The following ORMDL3 variants were observed in gnomAD, a reference collection of about 807,000 sequenced individuals.
ORMDL3 encodes the protein ORM1-like protein 3.
ORMDL3 carries 6 observed loss-of-function variants against 12.6 expected under a neutral mutation model. The observed-to-expected ratio is 0.48, with a 90% CI of 0.26 to 0.94. The LOEUF is 0.94. Among genes scored for constraint, ORMDL3 ranks in the 40% least tolerant of loss-of-function variants. The pLI is 0.14. For synonymous variants in ORMDL3, 99 were observed against 87.2 expected (o/e 1.14, Z -0.75); for missense variants, 159 against 205.5 (o/e 0.77, Z 1.38).
intron 1 of ORMDL3, 128 bp downstream of exon 1, chr17:39,927,356 A>T: frequency 3.4e-6 from 2 of 591,370 alleles, no homozygotes; most frequent in Non-Finnish European, 4.2e-6. Context: ...CCCTCGGCTG[A>T]TGCACTCCCT....
At chr17:39,923,077 GC>G (rs1568111780) in intron 3 of ORMDL3, 34 bp downstream of exon 3, 2 of 1,613,046 alleles carry the variant, frequency 1.2e-6, no homozygotes, top group Non-Finnish European at 1.7e-6. Flanking sequence ...GCCTTGCCCT[GC>G]CTGCTGGTGT....
At chr17:39,923,782 A>C (rs1978317873) in intron 2 of ORMDL3, among the ~76,000 whole-genome samples, 1 of 151,980 alleles carries the variant, frequency 6.6e-6, no homozygotes. Flanking sequence ...GCCAACAGCC[A>C]CCCCACCCTA....
intron 3 of ORMDL3, 50 bp downstream of exon 3, chr17:39,923,062 T>C: frequency 1.2e-6 from 2 of 1,610,038 alleles, no homozygotes; most frequent in Non-Finnish European, 1.7e-6. Flanking sequence ...CCTGGGGTCC[T>C]CCAGGCCTTG....
chr17:39,922,813 G>GT (rs1182084464), intron 3 of ORMDL3, 128 bp from the exon 4 acceptor site: 2 of 1,258,716 alleles, frequency 1.6e-6, no homozygotes, highest in African/African-American at 3.0e-5. Context: ...CCAGACCAGC[G>GT]TAAGAAGCAA....
chr17:39,924,046 T>G lies in ORMDL3; in HGVS notation c.158A>C (p.Asn53Thr). ...GGCTCTCACCATGTTGTGAATGAGG[T>G]TGGTGAGGGTCCAGACGACAGGGAC... is the stretch of plus-strand genomic sequence containing the variant. ...VSVPVVWTLT[N>T]LIHNMGMYIF... The change falls in exon 2 of 4, where the codon AAC (asparagine) becomes ACC (threonine). Residue 53 changes from asparagine (N) to threonine (T), a missense_variant. By Grantham distance (65) the Asn-to-Thr change is moderately conservative. Transcript: ENST00000304046. 1 of 1,607,510 alleles carries G rather than the reference T, an allele frequency of 6.2e-7. No homozygotes were observed. The highest frequency in any genetic ancestry group is 8.5e-7 in the Non-Finnish European group (1 of 1,176,428).
At chr17:39,923,305 G>GC (rs750001368) in intron 2 of ORMDL3, 42 bp from the exon 3 acceptor site, 12 of 1,601,544 alleles carry the variant, frequency 7.5e-6, no homozygotes, top group South Asian at 3.3e-5. Context: ...AAAGGGAAAG[G>GC]CCCCCCTGCC....
At position 39,924,099 on chromosome 17, in the gene ORMDL3, G is replaced by T; in HGVS notation, c.105C>A (p.Ile35=). The change falls in exon 2 of 4, where the codon ATC becomes ATA. Residue 35 remains isoleucine (I), a synonymous_variant. Coordinates refer to ENST00000304046, the MANE Select transcript of ORMDL3 (RefSeq NM_139280.4). The stretch of plus-strand genomic sequence containing the variant: ...TCACAAACGGGATGCTCAGCAGCAC[G>T]ATGTGGAGGAGACCGATGGCCAGCA... ...SYVLAIGLLH[I]VLLSIPFVSV... 2 of 1,614,088 alleles carry T rather than the reference G, an allele frequency of 1.2e-6. No individual in the cohort carries two copies. Among genetic ancestry groups the T allele is most frequent in the Non-Finnish European group, 8.5e-7 (1 of 1,179,962 alleles).
intron 1 of ORMDL3, 99 bp downstream of exon 1, chr17:39,927,384 TG>T: frequency 2.3e-6 from 2 of 874,994 alleles, no homozygotes; most frequent in South Asian, 1.0e-4. Context: ...CCACTCCCTC[TG>T]CCCCCGTCTC....
intron 1 of ORMDL3, chr17:39,926,197 C>G (rs1039580363): frequency 1.4e-4 from 21 of 152,254 alleles, no homozygotes; most frequent in African/African-American, 5.1e-4. Flanking sequence ...ACCCCATACG[C>G]CTTTCTGGCT....
intron 3 of ORMDL3, 150 bp from the exon 4 acceptor site, chr17:39,922,835 C>A (rs1978307179): frequency 2.6e-6 from 3 of 1,139,474 alleles, no homozygotes; most frequent in Non-Finnish European, 3.6e-6. Flanking sequence ...AGCTCTCAGG[C>A]TAAAGGGGCC....
At position 39,927,533 on chromosome 17, in the gene ORMDL3, GC is replaced by G. The variant is rs563357524; in HGVS notation, c.-73del. On this transcript the variant is annotated 5_prime_UTR_variant, in exon 1 of 4. Transcript: ENST00000304046. ...CCGGGAACGGTTCCCGGGAGCGGGG[GC>G]CGCTGCTGCTCCAGCAGCTGTAACA... 165 of 985,484 alleles carry G rather than the reference GC, an allele frequency of 1.7e-4. No individual in the cohort carries two copies. In the African/African-American group the frequency reaches 2.7e-3, roughly 16 times the overall value. The allele number at this position is 985,484 out of a possible 1,614,324, so 61.0% of individuals were successfully genotyped here.
rs1978297623 is a variant in ORMDL3 at position 39,921,754 on chromosome 17, G to A, written c.*796C>T. ...CTTCCCTCCCTGCCCACATCCCAAAGGAGATTGGGTCTAGCTTCTGTCCCT... is the reference window on the plus strand; with the variant it reads ...CTTCCCTCCCTGCCCACATCCCAAAAGAGATTGGGTCTAGCTTCTGTCCCT... On this transcript the variant is annotated 3_prime_UTR_variant, in exon 4 of 4. Coordinates refer to ENST00000304046, the MANE Select transcript of ORMDL3 (RefSeq NM_139280.4). 1 of 152,432 alleles carries A rather than the reference G, an allele frequency of 6.6e-6. No homozygotes were observed. The highest frequency in any genetic ancestry group is 2.4e-5 in the African/African-American group (1 of 41,398). The allele number at this position is 152,432 out of a possible 1,614,324, so 9.4% of individuals were successfully genotyped here. A position where few individuals can be genotyped will look rare whatever the true frequency, so the allele number is the denominator to read the frequency against.
intron 1 of ORMDL3, chr17:39,925,383 A>G (rs1978355249): frequency 6.6e-6 from 1 of 152,266 alleles, no homozygotes; most frequent in Non-Finnish European, 1.5e-5. Flanking sequence ...TGTGACCAGG[A>G]GAAAGTGGAG....
intron 1 of ORMDL3, chr17:39,925,434 A>G (rs1446409194): frequency 6.6e-6 from 1 of 152,198 alleles, no homozygotes; most frequent in African/African-American, 2.4e-5. Flanking sequence ...CCTATCTGAG[A>G]TAGGGTCCTG....
intron 1 of ORMDL3, chr17:39,926,275 C>A (rs1978412699): frequency 6.6e-6 from 1 of 152,228 alleles, no homozygotes; most frequent in East Asian, 1.9e-4. Context: ...AGCCAACACC[C>A]TCAGAAGCTT....
rs1978499639 is a variant in ORMDL3 at position 39,927,498 on chromosome 17, G to A, written c.-37C>T. On this transcript the variant is annotated 5_prime_UTR_variant, in exon 1 of 4. Transcript: ENST00000304046. ...TCCGGGCTCACCGTGTGGGGCCGAA[G>A]ATCAACGGCCCGGGAACGGTTCCCG... 1.0e-6 allele frequency: 1 copy of A among 985,402 alleles called. No homozygotes were observed. The highest frequency in any genetic ancestry group is 4.7e-5 in the South Asian group (1 of 21,288). 61.0% of individuals were successfully genotyped at this position (985,402 alleles called of 1,614,324 possible). A position where few individuals can be genotyped will look rare whatever the true frequency, so the allele number is the denominator to read the frequency against.
rs762425334 is a variant in ORMDL3, at chr17:39,923,123, T to C, written c.315A>G (p.Thr105=). The C allele has an allele frequency of 1.9e-6, 3 of 1,613,848 alleles. No individual in the cohort carries two copies. In the South Asian group the frequency reaches 3.3e-5, roughly 18 times the overall value. ...FTASRKFLTI[T]PIVLYFLTSF... is the part of the protein sequence containing the mutation. ...GCCCAGGCACTCACAGCACGATGGG[T>C]GTGATGGTCAAGAACTTCCGAGAGG... The change falls in exon 3 of 4, where the codon ACA becomes ACG. Residue 105 remains threonine, a synonymous_variant. Coordinates refer to ENST00000304046, the MANE Select transcript of ORMDL3 (RefSeq NM_139280.4).
chr17:39,924,544 C>T (rs193175938), intron 1 of ORMDL3, among the ~76,000 whole-genome samples: 2 of 152,264 alleles, frequency 1.3e-5, no homozygotes, highest in South Asian at 2.1e-4. Context: ...CCCAGCCTCA[C>T]CCCCTATGGC....
intron 1 of ORMDL3, chr17:39,926,636 T>C: frequency 2.8e-6 from 1 of 356,330 alleles, no homozygotes. Flanking sequence ...TGTTAACCAC[T>C]TTTTTGCTGG....
Sources: allele counts gnomAD v4.1 joint callset (sites outside exome capture counted in the v4.1 genomes callset), GRCh38; gene constraint gnomAD v4.1.1; transcripts MANE v1.5; gene names NCBI Gene and HGNC (gene_info 2026-07-23, HGNC 2026-07-21).